RNF17: variants seen among roughly 807,000 people sequenced by gnomAD.
RNF17 encodes ring finger protein 17.
In RNF17, 31 loss-of-function variants were observed where a neutral mutation model predicts 200.5. The observed-to-expected ratio is 0.15, with a 90% CI of 0.12 to 0.21. RNF17 has a LOEUF of 0.21. RNF17 is among the 10% of genes least tolerant of loss of function. The pLI is 1.00. For missense variants in RNF17, 1,628 were observed against 1,905.1 expected (o/e 0.85, Z 2.71); for synonymous variants, 606 against 637.8 (o/e 0.95, Z 0.75).
chr13:24,762,491 G>A (rs1878863601), upstream of RNF17, among the ~76,000 whole-genome samples: 1 of 151,936 alleles, frequency 6.6e-6, no homozygotes, highest in Admixed American at 6.6e-5. Context: ...CATGTTACAT[G>A]AGAATATTGG....
intron 2 of RNF17, among the ~76,000 whole-genome samples, chr13:24,771,682 TTATATA>T (rs376223792): frequency 3.3e-5 from 5 of 151,166 alleles, no homozygotes; most frequent in African/African-American, 1.2e-4. Flanking sequence ...TAACTCAAAG[TTATATA>T]TATATATCTT....
the RNF17 span, among the ~76,000 whole-genome samples, chr13:24,749,307 CT>C: frequency 9.3e-6 from 1 of 108,020 alleles, no homozygotes; most frequent in African/African-American, 3.5e-5. Context: ...TTCTTTCTTT[CT>C]TTTTTTTTTT....
chr13:24,813,793 A>ATTTTT (rs61022176), intron 15 of RNF17, among the ~76,000 whole-genome samples: 1 of 53,924 alleles, frequency 1.9e-5, no homozygotes, highest in African/African-American at 7.1e-5. Context: ...CAGCTCGCTA[A>ATTTTT]TTTTTTTTTT....
intron 14 of RNF17, 87 bp from the exon 15 acceptor site, chr13:24,804,201 T>G: frequency 3.3e-6 from 4 of 1,223,666 alleles, no homozygotes; most frequent in Non-Finnish European, 4.7e-6. Context: ...GGGTAGAGGC[T>G]GCAGTGAGCC....
chr13:24,793,417 G>T, intron 10 of RNF17, 71 bp downstream of exon 10: 1 of 1,369,988 alleles, frequency 7.3e-7, no homozygotes, highest in Middle Eastern at 1.9e-4. Context: ...TACCTTTTTC[G>T]TCCATGCATT....
intron 20 of RNF17, 40 bp from the exon 21 acceptor site, chr13:24,844,612 A>C: frequency 6.8e-7 from 1 of 1,464,258 alleles, no homozygotes; most frequent in South Asian, 1.3e-5. Flanking sequence ...GAATTATATA[A>C]GAAAAGGTTT....
At chr13:24,813,428 T>A (rs1030107602) in intron 15 of RNF17, among the ~76,000 whole-genome samples, 11 of 152,218 alleles carry the variant, frequency 7.2e-5, no homozygotes, top group African/African-American at 2.7e-4. Flanking sequence ...AGTGCTGGTA[T>A]TACAAGCATG....
upstream of RNF17, among the ~76,000 whole-genome samples, chr13:24,760,105 C>T (rs908337170): frequency 6.6e-6 from 1 of 152,166 alleles, no homozygotes; most frequent in African/African-American, 2.4e-5. Context: ...CACGCCACTG[C>T]ACGCCAGCCT....
intron 34 of RNF17, among the ~76,000 whole-genome samples, chr13:24,878,491 C>T (rs548713922): frequency 1.3e-5 from 2 of 152,278 alleles, no homozygotes; most frequent in African/African-American, 2.4e-5. Flanking sequence ...ACCAGAGAAG[C>T]TGGTAGCGTG....
intron 30 of RNF17, among the ~76,000 whole-genome samples, 188 bp downstream of exon 30, chr13:24,866,391 G>C (rs1040756275): frequency 4.9e-5 from 7 of 143,380 alleles, no homozygotes; most frequent in South Asian, 2.2e-4. Context: ...ACTATTTCCA[G>C]AACATTTCAT....
At chr13:24,773,937 C>T (rs1881177391) in intron 2 of RNF17, among the ~76,000 whole-genome samples, 1 of 152,026 alleles carries the variant, frequency 6.6e-6, no homozygotes. Flanking sequence ...ATCTGAGTGG[C>T]TTTTAAAATA....
chr13:24,885,648 C>T, the RNF17 span: 1 of 1,613,040 alleles, frequency 6.2e-7, no homozygotes, highest in East Asian at 2.2e-5. Context: ...GAGGTGCAGA[C>T]TTGGATCTTC....
chr13:24,883,899 T>A, downstream of RNF17: 1 of 1,608,348 alleles, frequency 6.2e-7, no homozygotes, highest in African/African-American at 1.3e-5. Flanking sequence ...CTGGGGCACC[T>A]TCTGAGCACA....
At chr13:24,754,106 C>T in the RNF17 span, among the ~76,000 whole-genome samples, 1 of 150,856 alleles carries the variant, frequency 6.6e-6, no homozygotes, top group Non-Finnish European at 1.5e-5. Context: ...TGCAGTGAGC[C>T]GAGATCGCAC....
chr13:24,840,374 A>G (rs946741801), intron 18 of RNF17, among the ~76,000 whole-genome samples: 3 of 152,186 alleles, frequency 2.0e-5, no homozygotes, highest in Non-Finnish European at 4.4e-5. Context: ...CCACTGCTAG[A>G]TATCTACCCA....
At chr13:24,770,226 T>A (rs555539728) in intron 2 of RNF17, among the ~76,000 whole-genome samples, 3 of 152,068 alleles carry the variant, frequency 2.0e-5, no homozygotes, top group Non-Finnish European at 4.4e-5. Flanking sequence ...CAAATAGAAA[T>A]CAGAAACTAC....
chr13:24,822,386 G>T (rs969522000), intron 15 of RNF17, among the ~76,000 whole-genome samples: 2 of 151,926 alleles, frequency 1.3e-5, no homozygotes, highest in Non-Finnish European at 2.9e-5. Flanking sequence ...ACTCCTTCCT[G>T]TATTCTCACT....
chr13:24,831,256 T>C (rs551452637), intron 17 of RNF17, among the ~76,000 whole-genome samples: 11 of 152,158 alleles, frequency 7.2e-5, no homozygotes, highest in Admixed American at 2.6e-4. Flanking sequence ...CTGGCTAACA[T>C]GATGAAACCC....
chr13:24,804,394 C>A lies in RNF17; in HGVS notation c.2056C>A (p.His686Asn). ...EMTDVSVTVC[H>N]INSPGDFYLQ... ...GACAGATGTTTCAGTAACGGTTTGT[C>A]ATATAAATAGTCCTGGAGATTTCTA... Residue 686 changes from histidine to asparagine, a missense_variant, in exon 15 of 36, where the codon CAT becomes AAT. This residue lies in a region of RNF17 where 289 missense variants were observed against 384.9 expected (regional missense o/e 0.75). Transcript: ENST00000255324. 6.2e-7 allele frequency: 1 copy of A among 1,612,372 alleles called. No individual in the cohort carries two copies. Among genetic ancestry groups the A allele is most frequent in the South Asian group, 1.1e-5 (1 of 90,936 alleles).
Sources: allele counts gnomAD v4.1 joint callset (sites outside exome capture counted in the v4.1 genomes callset), GRCh38; gene constraint gnomAD v4.1.1; regional missense constraint gnomAD v4.1.1; transcripts MANE v1.5; gene names NCBI Gene and HGNC (gene_info 2026-07-23, HGNC 2026-07-21).